The following LAMA2 variants were observed in gnomAD, a reference collection of about 807,000 sequenced individuals.
The protein encoded by LAMA2 is laminin subunit alpha-2.
A neutral mutation model predicts 364.8 loss-of-function variants in LAMA2; 269 were observed. The observed-to-expected ratio is 0.74, with a 90% CI of 0.67 to 0.82. The LOEUF is 0.82. Ranked by LOEUF, LAMA2 falls within the 40% of genes least tolerant of loss-of-function variation. The pLI, the probability that LAMA2 is intolerant of heterozygous loss-of-function variation, is 0.00. For synonymous variants in LAMA2, 1,379 were observed against 1,370.6 expected (o/e 1.01, Z -0.14); for missense variants, 3,807 against 3,873.2 (o/e 0.98, Z 0.45).
At chr6:129,330,421 C>T (rs1775560622) in intron 29 of LAMA2, among the ~76,000 whole-genome samples, 1 of 151,820 alleles carries the variant, frequency 6.6e-6, no homozygotes, top group Non-Finnish European at 1.5e-5. Context: ...TTAAATACCC[C>T]ACATCATTCC....
chr6:129,291,587 G>C (rs917968033), intron 19 of LAMA2, 27 bp from the exon 20 acceptor site: 4 of 1,558,584 alleles, frequency 2.6e-6, no homozygotes. Flanking sequence ...AAGTTTTCCT[G>C]ATCACAGGTC....
intron 15 of LAMA2, among the ~76,000 whole-genome samples, chr6:129,264,645 G>C (rs1379924818): frequency 6.6e-6 from 1 of 152,106 alleles, no homozygotes. Context: ...TTAAGAAGCA[G>C]GGTCAAAGCA....
intron 45 of LAMA2, among the ~76,000 whole-genome samples, chr6:129,448,287 C>A (rs530673427): frequency 6.8e-5 from 10 of 147,256 alleles, no homozygotes; most frequent in East Asian, 3.9e-4. Flanking sequence ...TGTCCCCCCC[C>A]AAAAAAAAAG....
At chr6:128,899,374 C>A (rs78893449) in intron 1 of LAMA2, among the ~76,000 whole-genome samples, 1,578 of 152,276 alleles carry the variant, frequency 0.01, 23 homozygotes, top group African/African-American at 0.036. Context: ...TGGCAGAGAA[C>A]TAGAAGGGTA....
intron 1 of LAMA2, among the ~76,000 whole-genome samples, chr6:128,941,480 A>C (rs1325406117): frequency 6.6e-6 from 1 of 152,192 alleles, no homozygotes; most frequent in Non-Finnish European, 1.5e-5. Context: ...CAATAAACTA[A>C]TCATGATTTT....
intron 1 of LAMA2, among the ~76,000 whole-genome samples, chr6:128,905,800 A>T (rs1233248782): frequency 6.6e-6 from 1 of 150,906 alleles, no homozygotes; most frequent in Non-Finnish European, 1.5e-5. Flanking sequence ...CCACCCCACA[A>T]CAGTCCCCAG....
chr6:128,939,431 C>T (rs12332864), intron 1 of LAMA2, among the ~76,000 whole-genome samples: 31,951 of 151,952 alleles, frequency 0.21, 4,891 homozygotes, highest in African/African-American at 0.43. Flanking sequence ...ATACCTTCAC[C>T]TGACTTGGAG....
chr6:129,185,785 G>A (rs950085302), intron 10 of LAMA2, among the ~76,000 whole-genome samples: 25 of 151,700 alleles, frequency 1.6e-4, no homozygotes, highest in African/African-American at 4.4e-4. Context: ...AAGTATTTAC[G>A]TATGGATTAT....
intron 4 of LAMA2, among the ~76,000 whole-genome samples, chr6:129,123,316 A>G (rs996242038): frequency 2.0e-5 from 3 of 151,832 alleles, no homozygotes; most frequent in Admixed American, 6.6e-5. Context: ...AAAAAAAAAA[A>G]AAAAGGAACT....
intron 1 of LAMA2, among the ~76,000 whole-genome samples, chr6:128,940,065 TGCCTCAG>T: frequency 6.6e-6 from 1 of 152,142 alleles, no homozygotes; most frequent in Admixed American, 6.5e-5. Flanking sequence ...ATCATGATTT[TGCCTCAG>T]TTTTTCAAGT....
intron 1 of LAMA2, among the ~76,000 whole-genome samples, chr6:128,916,293 C>G (rs569788087): frequency 1.8e-3 from 278 of 152,234 alleles, no homozygotes; most frequent in African/African-American, 6.4e-3. Context: ...TAGTCCTTGC[C>G]AATTTTTTTT....
At chr6:129,506,589 A>G (rs1786096466) in intron 61 of LAMA2, among the ~76,000 whole-genome samples, 1 of 152,134 alleles carries the variant, frequency 6.6e-6, no homozygotes, top group Admixed American at 6.5e-5. Flanking sequence ...TTTTTATTAG[A>G]CCGTGTATCC....
chr6:128,976,571 T>C (rs1235203052), intron 1 of LAMA2, among the ~76,000 whole-genome samples: 1 of 152,148 alleles, frequency 6.6e-6, no homozygotes, highest in Non-Finnish European at 1.5e-5. Context: ...ACATTTAAAT[T>C]TTTCTCTTTG....
At chr6:128,916,963 T>C (rs1778356514) in intron 1 of LAMA2, among the ~76,000 whole-genome samples, 2 of 152,168 alleles carry the variant, frequency 1.3e-5, no homozygotes, top group Admixed American at 1.3e-4. Flanking sequence ...AGGTTTGAGA[T>C]AGCTAGGGAG....
chr6:128,919,261 A>G (rs915473140), intron 1 of LAMA2, among the ~76,000 whole-genome samples: 2 of 152,208 alleles, frequency 1.3e-5, no homozygotes, highest in African/African-American at 4.8e-5. Context: ...GCCATATACA[A>G]TCAACTGTTC....
chr6:129,475,297 A>G (rs988932686), intron 52 of LAMA2, 93 bp from the exon 53 acceptor site: 2 of 782,514 alleles, frequency 2.6e-6, no homozygotes, highest in Non-Finnish European at 4.1e-6. Context: ...TTAAAGATTT[A>G]TGATTAAAGT....
rs773628741 is a variant in LAMA2 at position 129,486,517 on chromosome 6, A to G, written c.7793A>G (p.His2598Arg). The G allele has an allele frequency of 6.2e-7, 1 of 1,613,934 alleles. No homozygotes were observed. The highest frequency in any genetic ancestry group is 1.1e-5 in the South Asian group (1 of 91,082). Reference protein sequence around the residue: ...ILLNRGRLEVHLSTGARTMRK... With the variant: ...ILLNRGRLEVRLSTGARTMRK... ...CTCAACAGGGGCCGTCTGGAAGTGC[A>G]TCTCTCCACAGGGGCACGAACAATG... Residue 2598 changes from histidine to arginine, a missense_variant, in exon 56 of 65, where the codon CAT becomes CGT. Around this residue, in one of 3 missense-constraint regions of LAMA2, gnomAD observed 3,333 missense variants for 3,345.7 expected, o/e 1.00. Coordinates refer to ENST00000421865, the MANE Select transcript of LAMA2 (RefSeq NM_000426.4).
At chr6:129,337,659 T>G (rs1264376979) in intron 29 of LAMA2, among the ~76,000 whole-genome samples, 1 of 152,092 alleles carries the variant, frequency 6.6e-6, no homozygotes, top group Non-Finnish European at 1.5e-5. Context: ...ACCTTAGGCC[T>G]GAGATACTAT....
intron 28 of LAMA2, among the ~76,000 whole-genome samples, 187 bp from the exon 29 acceptor site, chr6:129,328,091 C>T (rs1358102050): frequency 1.3e-5 from 2 of 152,106 alleles, no homozygotes; most frequent in Non-Finnish European, 2.9e-5. Flanking sequence ...GGATGCCGCC[C>T]GAACACCTTG....
Sources: allele counts gnomAD v4.1 joint callset (sites outside exome capture counted in the v4.1 genomes callset), GRCh38; gene constraint gnomAD v4.1.1; regional missense constraint gnomAD v4.1.1; transcripts MANE v1.5; gene names NCBI Gene and HGNC (gene_info 2026-07-23, HGNC 2026-07-21).